GRID2: variants seen among roughly 807,000 people sequenced by gnomAD.
GRID2 encodes the protein glutamate receptor ionotropic, delta-2.
GRID2 carries 33 observed loss-of-function variants against 114.8 expected under a neutral mutation model. The ratio of observed to expected loss-of-function variants is 0.29; its 90% CI spans 0.22 to 0.38. The LOEUF (loss-of-function observed/expected upper bound fraction) is 0.38, where lower values mean the gene tolerates loss of function less well. Ranked by LOEUF, GRID2 falls within the 10% of genes least tolerant of loss-of-function variation. The pLI is 1.00. For missense variants in GRID2, 1,184 were observed against 1,257.7 expected (o/e 0.94, Z 0.89); for synonymous variants, 505 against 449.9 (o/e 1.12, Z -1.55).
chr4:93,323,201 T>C (rs1490634446), intron 8 of GRID2, among the ~76,000 whole-genome samples: 1 of 152,190 alleles, frequency 6.6e-6, no homozygotes, highest in Non-Finnish European at 1.5e-5. Flanking sequence ...AAGTCTTTGA[T>C]CCATCTTGAA....
At chr4:93,158,449 A>T (rs1027884450) in intron 4 of GRID2, among the ~76,000 whole-genome samples, 1 of 151,694 alleles carries the variant, frequency 6.6e-6, no homozygotes, top group African/African-American at 2.4e-5. Flanking sequence ...GGGGAAAGAG[A>T]AAGGAGAAGG....
At chr4:93,565,316 T>A (rs1735299686) in intron 13 of GRID2, among the ~76,000 whole-genome samples, 1 of 152,166 alleles carries the variant, frequency 6.6e-6, no homozygotes, top group African/African-American at 2.4e-5. Context: ...CATATCAATA[T>A]CTTGATTGTG....
At position 93,481,328 on chromosome 4, in the gene GRID2, G is replaced by T. The variant is rs1436931460; in HGVS notation, c.1859-9311G>T. On this transcript the variant is annotated intron_variant, in intron 11 of 15. Transcript: ENST00000282020. Reference sequence around the variant, plus strand: ...CAAGAAGGTTCAGAAGAATTTGAAAGTTCAAATTTCTTATCAATGCATGAG... The same window carrying T: ...CAAGAAGGTTCAGAAGAATTTGAAATTTCAAATTTCTTATCAATGCATGAG... Among the ~76,000 whole-genome samples, 5 of 152,138 alleles carry T rather than the reference G, an allele frequency of 3.3e-5. No individual in the cohort carries two copies. The East Asian group carries it at 9.7e-4, about 30-fold the overall frequency.
intron 1 of GRID2, among the ~76,000 whole-genome samples, chr4:92,561,714 A>C (rs910621789): frequency 6.6e-6 from 1 of 152,108 alleles, no homozygotes; most frequent in Non-Finnish European, 1.5e-5. Context: ...ATTAACAAAA[A>C]TTTTTTACAT....
chr4:92,480,174 G>A (rs1014663268), intron 1 of GRID2, among the ~76,000 whole-genome samples: 3 of 151,982 alleles, frequency 2.0e-5, no homozygotes, highest in Admixed American at 6.6e-5. Flanking sequence ...GAATTTGTTA[G>A]AGTAAAAGCA....
intron 1 of GRID2, among the ~76,000 whole-genome samples, chr4:92,572,067 A>T (rs1727652286): frequency 6.6e-6 from 1 of 151,988 alleles, no homozygotes; most frequent in African/African-American, 2.4e-5. Context: ...GACACAAAAA[A>T]CCCTTCAAAA....
chr4:93,798,975 A>G (rs1317158607), intron 1 of GRID2, among the ~76,000 whole-genome samples: 1 of 152,202 alleles, frequency 6.6e-6, no homozygotes, highest in Non-Finnish European at 1.5e-5. Flanking sequence ...GGGGGTAGGC[A>G]ATATGGCAGA....
At chr4:93,149,740 TCTC>T (rs1186196670) in intron 4 of GRID2, among the ~76,000 whole-genome samples, 1 of 151,850 alleles carries the variant, frequency 6.6e-6, no homozygotes, top group Non-Finnish European at 1.5e-5. Flanking sequence ...CTCAAATGAT[TCTC>T]CTGCCTCAGC....
intron 1 of GRID2, among the ~76,000 whole-genome samples, chr4:92,431,883 C>T (rs773126439): frequency 1.3e-5 from 2 of 152,162 alleles, no homozygotes; most frequent in African/African-American, 2.4e-5. Flanking sequence ...AAAGGCTTTC[C>T]AAATAGTCAA....
chr4:93,161,879 A>G (rs960206548), intron 4 of GRID2, among the ~76,000 whole-genome samples: 10 of 151,708 alleles, frequency 6.6e-5, no homozygotes, highest in Admixed American at 1.3e-4. Context: ...TTTCTTATTA[A>G]TATCTATAGT....
chr4:93,362,380 G>A (rs1362242253), intron 8 of GRID2, among the ~76,000 whole-genome samples: 1 of 152,002 alleles, frequency 6.6e-6, no homozygotes, highest in African/African-American at 2.4e-5. Context: ...CCCTGGATTG[G>A]GGATCTGGCT....
chr4:92,310,190 G>A (rs1725624500), intron 1 of GRID2, among the ~76,000 whole-genome samples: 1 of 151,926 alleles, frequency 6.6e-6, no homozygotes, highest in South Asian at 2.1e-4. Context: ...ATTTGTTCAT[G>A]TAAAACTCAT....
chr4:92,495,812 G>A (rs1411894957), intron 1 of GRID2, among the ~76,000 whole-genome samples: 2 of 151,858 alleles, frequency 1.3e-5, no homozygotes, highest in Non-Finnish European at 2.9e-5. Flanking sequence ...CCTCCTGATA[G>A]GTGAGTTGTG....
At chr4:93,131,117 G>A (rs902839209) in intron 4 of GRID2, among the ~76,000 whole-genome samples, 7 of 144,180 alleles carry the variant, frequency 4.9e-5, no homozygotes, top group Non-Finnish European at 4.5e-5. Context: ...GGGACTGATT[G>A]CTAGAACTTC....
At chr4:93,113,326 G>A (rs962774770) in intron 4 of GRID2, among the ~76,000 whole-genome samples, 3 of 152,064 alleles carry the variant, frequency 2.0e-5, no homozygotes, top group Non-Finnish European at 4.4e-5. Flanking sequence ...AGGTGTACAG[G>A]GTTTAAGTTG....
intron 12 of GRID2, among the ~76,000 whole-genome samples, chr4:93,495,756 A>G (rs1322776348): frequency 6.6e-6 from 1 of 151,766 alleles, no homozygotes; most frequent in Non-Finnish European, 1.5e-5. Context: ...ACTTAATTTG[A>G]TAATACTAGA....
chr4:92,443,319 G>A (rs936158625), intron 1 of GRID2, among the ~76,000 whole-genome samples: 21 of 152,234 alleles, frequency 1.4e-4, no homozygotes, highest in African/African-American at 4.8e-4. Flanking sequence ...GGGGTCAAGT[G>A]GCATTGCAGA....
At chr4:93,024,170 T>C (rs953005042) in intron 2 of GRID2, among the ~76,000 whole-genome samples, 3 of 151,820 alleles carry the variant, frequency 2.0e-5, no homozygotes, top group African/African-American at 7.2e-5. Context: ...TTTCAAGTCT[T>C]ACTAAGATCA....
At chr4:92,823,526 G>A (rs1741445798) in intron 2 of GRID2, among the ~76,000 whole-genome samples, 1 of 151,866 alleles carries the variant, frequency 6.6e-6, no homozygotes, top group Non-Finnish European at 1.5e-5. Context: ...TGGCAACACG[G>A]GTCTGTTTGA....
Sources: allele counts gnomAD v4.1 joint callset (sites outside exome capture counted in the v4.1 genomes callset), GRCh38; gene constraint gnomAD v4.1.1; transcripts MANE v1.5; gene names NCBI Gene and HGNC (gene_info 2026-07-23, HGNC 2026-07-21).